RTN1: variants seen among roughly 807,000 people sequenced by gnomAD.
The protein encoded by RTN1 is reticulon-1.
Under a neutral mutation model 65.5 loss-of-function variants are expected in RTN1, and 25 were observed. The ratio of observed to expected loss-of-function variants is 0.38; its 90% CI spans 0.28 to 0.53. The LOEUF (loss-of-function observed/expected upper bound fraction) is 0.53, where lower values mean the gene tolerates loss of function less well. Ranked by LOEUF, RTN1 falls within the 20% of genes least tolerant of loss-of-function variation. The pLI is 0.79. For synonymous variants in RTN1, 471 were observed against 447.6 expected (o/e 1.05, Z -0.66); for missense variants, 983 against 1,025.4 (o/e 0.96, Z 0.57).
At chr14:59,847,293 C>A (rs1243330532) in intron 1 of RTN1, among the ~76,000 whole-genome samples, 1 of 152,112 alleles carries the variant, frequency 6.6e-6, no homozygotes, top group East Asian at 1.9e-4. Flanking sequence ...AAGTGTATAA[C>A]AATGAAAAAT....
intron 3 of RTN1, among the ~76,000 whole-genome samples, chr14:59,708,985 A>T (rs1213355519): frequency 6.6e-6 from 1 of 152,232 alleles, no homozygotes; most frequent in Non-Finnish European, 1.5e-5. Context: ...ATTTTTGCTC[A>T]TTGGCTAATT....
intron 3 of RTN1, among the ~76,000 whole-genome samples, chr14:59,617,921 G>C (rs938576741): frequency 6.6e-6 from 1 of 152,176 alleles, no homozygotes; most frequent in Non-Finnish European, 1.5e-5. Context: ...AGAAGCCAGA[G>C]CAATCAATGG....
chr14:59,610,329 T>C, intron 3 of RTN1: 1 of 569,070 alleles, frequency 1.8e-6, no homozygotes. Context: ...AGGAGGTTTC[T>C]AATAAGGAGG....
At chr14:59,848,245 G>C (rs1020268563) in intron 1 of RTN1, among the ~76,000 whole-genome samples, 2 of 152,194 alleles carry the variant, frequency 1.3e-5, no homozygotes, top group East Asian at 3.8e-4. Context: ...GAGCATGCAG[G>C]TGAACTGCTA....
At chr14:59,610,133 G>T (rs1881900738) in intron 3 of RTN1, 2 of 777,070 alleles carry the variant, frequency 2.6e-6, no homozygotes, top group East Asian at 4.9e-5. Context: ...TGGTAGAAAT[G>T]GCATGCCCTC....
At chr14:59,668,297 C>T (rs1324507445) in intron 3 of RTN1, among the ~76,000 whole-genome samples, 1 of 152,146 alleles carries the variant, frequency 6.6e-6, no homozygotes, top group East Asian at 1.9e-4. Context: ...AGAAATAACA[C>T]CGCACATCTA....
intron 3 of RTN1, among the ~76,000 whole-genome samples, chr14:59,621,900 T>C (rs1438045635): frequency 2.0e-5 from 3 of 152,224 alleles, no homozygotes; most frequent in Non-Finnish European, 4.4e-5. Flanking sequence ...GCGGATACTA[T>C]AAAATAGCAA....
chr14:59,596,631 T>G lies in RTN1; in HGVS notation c.*114A>C. ...GCTGTTTTAAGGTTTGTCTCTAAGA[T>G]TATGGTACTGGAGGGAGGGGGGAAA... is the stretch of plus-strand genomic sequence containing the variant. On this transcript the variant is annotated 3_prime_UTR_variant, in exon 9 of 9. Transcript: ENST00000267484. 1 of 832,084 alleles carries G rather than the reference T, an allele frequency of 1.2e-6. No individual in the cohort carries two copies. Among genetic ancestry groups the G allele is most frequent in the Non-Finnish European group, 2.1e-6 (1 of 478,910 alleles). The allele number at this position is 832,084 out of a possible 1,614,324, so 51.5% of individuals were successfully genotyped here.
chr14:59,660,852 A>C (rs1361015096), intron 3 of RTN1, among the ~76,000 whole-genome samples: 1 of 152,140 alleles, frequency 6.6e-6, no homozygotes, highest in Non-Finnish European at 1.5e-5. Context: ...AAACAAATTC[A>C]AAAGCTAGCA....
At chr14:59,689,117 A>G (rs1883904587) in intron 3 of RTN1, among the ~76,000 whole-genome samples, 1 of 152,154 alleles carries the variant, frequency 6.6e-6, no homozygotes, top group Non-Finnish European at 1.5e-5. Flanking sequence ...ATCTTAAAAA[A>G]AACCAGAACT....
chr14:59,819,883 G>A (rs775854040), intron 1 of RTN1, among the ~76,000 whole-genome samples: 6 of 152,144 alleles, frequency 3.9e-5, no homozygotes, highest in African/African-American at 1.2e-4. Context: ...CCTTGAGCCC[G>A]CGCCCACCCA....
rs142423372 is a variant in RTN1 at position 59,656,088 on chromosome 14, C to T, written c.1766-48596G>A. Among the ~76,000 whole-genome samples the T allele has an allele frequency of 8.5e-5, 13 of 152,122 alleles. No homozygotes were observed. In the East Asian group the frequency reaches 2.5e-3, roughly 29 times the overall value. ...AAGGAAGTATTTTGAATGAATGAAC[C>T]TTGAAAACATTATGCTAGGAGAAAG... On this transcript the variant is annotated intron_variant, in intron 3 of 8. Coordinates refer to ENST00000267484, the MANE Select transcript of RTN1 (RefSeq NM_021136.3).
At chr14:59,602,456 G>C (rs1334980928) in intron 8 of RTN1, among the ~76,000 whole-genome samples, 1 of 152,002 alleles carries the variant, frequency 6.6e-6, no homozygotes, top group East Asian at 1.9e-4. Flanking sequence ...GTTAGCTATG[G>C]GTATGTAAAA....
chr14:59,867,758 A>C (rs1258444029), intron 1 of RTN1, among the ~76,000 whole-genome samples: 2 of 152,208 alleles, frequency 1.3e-5, no homozygotes, highest in Non-Finnish European at 2.9e-5. Flanking sequence ...AAGAAACAAA[A>C]TCTGTTTACA....
At chr14:59,631,555 C>A (rs1323835498) in intron 3 of RTN1, among the ~76,000 whole-genome samples, 2 of 152,192 alleles carry the variant, frequency 1.3e-5, no homozygotes, top group African/African-American at 4.8e-5. Context: ...AGTTAAAATG[C>A]AAATGTCTAA....
chr14:59,858,467 G>A (rs1055829714), intron 1 of RTN1, among the ~76,000 whole-genome samples: 2 of 148,286 alleles, frequency 1.3e-5, no homozygotes, highest in East Asian at 2.0e-4. Context: ...TGTTGTTCAA[G>A]AGTAGTTTTT....
Position 59,645,430 on chromosome 14 carries a change from CATGTTACATGTTTTCTAT to C in RTN1, c.1766-37956_1766-37939del, listed in dbSNP as rs1348416964. Reference sequence around the variant, plus strand: ...TTTTCTATATGTTACATGTTTTCTACATGTTACATGTTTTCTATATGTTTGTTACATGAGTCCCTGTTC... The same window carrying C: ...TTTTCTATATGTTACATGTTTTCTACATGTTTGTTACATGAGTCCCTGTTC... On this transcript the variant is annotated intron_variant, in intron 3 of 8. Coordinates refer to ENST00000267484, the MANE Select transcript of RTN1 (RefSeq NM_021136.3). Among the ~76,000 whole-genome samples the C allele has an allele frequency of 3.4e-4, 51 of 151,946 alleles. No individual in the cohort carries two copies. The East Asian group carries it at 5.0e-3, about 15-fold the overall frequency.
intron 1 of RTN1, among the ~76,000 whole-genome samples, chr14:59,820,060 C>A (rs967295128): frequency 3.3e-5 from 5 of 152,176 alleles, no homozygotes; most frequent in Admixed American, 1.3e-4. Flanking sequence ...GAGGAGGCGC[C>A]GAGAGCGAGT....
rs938226412 is a variant in RTN1 at position 59,739,416 on chromosome 14, A to G, written c.1015+6292T>C. Among the ~76,000 whole-genome samples the G allele has an allele frequency of 1.1e-4, 16 of 152,052 alleles. No individual in the cohort carries two copies. The South Asian group carries it at 1.7e-3, about 16-fold the overall frequency. On this transcript the variant is annotated intron_variant, in intron 2 of 8. Coordinates refer to ENST00000267484, the MANE Select transcript of RTN1 (RefSeq NM_021136.3). ...ATCAGCCAGGCATGGTGGCGGGCAC[A>G]TGTAATCCCAGCTACTCAGGAGGCT...
Sources: gnomAD v4.1 joint callset for allele counts (sites outside exome capture counted in the v4.1 genomes callset) on GRCh38, gnomAD v4.1.1 for gene constraint, MANE v1.5 for transcripts, NCBI Gene and HGNC (gene_info 2026-07-23, HGNC 2026-07-21) for gene names.